PDE4B: variants seen among roughly 807,000 people sequenced by gnomAD.
PDE4B encodes the protein phosphodiesterase 4B, also known as 3',5'-cyclic-AMP phosphodiesterase 4B.
Under a neutral mutation model 82.2 loss-of-function variants are expected in PDE4B, and 20 were observed. That is an observed-to-expected ratio of 0.24 (90% CI 0.17 to 0.35). PDE4B has a LOEUF of 0.35. Ranked by LOEUF, PDE4B falls within the 10% of genes least tolerant of loss-of-function variation. PDE4B has a pLI of 1.00. For synonymous variants in PDE4B, 320 were observed against 318.9 expected, an observed-to-expected ratio of 1.00 and a Z score of -0.04; for missense variants, 655 against 907.2, an observed-to-expected ratio of 0.72 and a Z score of 3.57.
chr1:66,359,005 T>C (rs902124759), intron 9 of PDE4B, among the ~76,000 whole-genome samples: 1 of 152,142 alleles, frequency 6.6e-6, no homozygotes, highest in Non-Finnish European at 1.5e-5. Flanking sequence ...TCCAGGTTGC[T>C]GGTGCAAGGG....
intron 3 of PDE4B, among the ~76,000 whole-genome samples, chr1:66,008,401 T>C (rs1652277942): frequency 6.6e-6 from 1 of 152,100 alleles, no homozygotes; most frequent in African/African-American, 2.4e-5. Flanking sequence ...TATAGATGAA[T>C]TATCTGTGTA....
intron 3 of PDE4B, among the ~76,000 whole-genome samples, chr1:66,085,758 C>G (rs531867917): frequency 1.3e-5 from 2 of 152,010 alleles, no homozygotes; most frequent in African/African-American, 4.8e-5. Context: ...TGCACCAGCA[C>G]GAAGATCCAG....
chr1:66,013,115 GATCT>G (rs1197384052), intron 3 of PDE4B, among the ~76,000 whole-genome samples: 4 of 152,066 alleles, frequency 2.6e-5, no homozygotes, highest in African/African-American at 9.7e-5. Flanking sequence ...GATTTTCAAA[GATCT>G]ATTATTATCT....
chr1:65,867,525 A>G (rs191514257), intron 1 of PDE4B, among the ~76,000 whole-genome samples: 2 of 152,344 alleles, frequency 1.3e-5, no homozygotes, highest in African/African-American at 4.8e-5. Flanking sequence ...AGAATGATTC[A>G]CTTTAGCCCT....
In PDE4B at chr1:66,146,173, C is replaced by CTTTTTTTTT. The variant is rs36027532; in HGVS notation, c.282-101267_282-101259dup. On this transcript the variant is annotated intron_variant, in intron 3 of 16. Transcript: ENST00000341517. Reference sequence around the variant, plus strand: ...AGAAGGCCATTGCCTGGGTAGCATGCTTTTTTTTTTTTTTTTTTTTTTTTT... The same window carrying CTTTTTTTTT: ...AGAAGGCCATTGCCTGGGTAGCATGCTTTTTTTTTTTTTTTTTTTTTTTTTTTTTTTTTT... Among the ~76,000 whole-genome samples, 6 of 49,230 alleles carry CTTTTTTTTT rather than the reference C, an allele frequency of 1.2e-4. 1 individual carries two copies. The highest frequency in any genetic ancestry group is 3.1e-4 in the Admixed American group (1 of 3,254). The allele number at this position is 49,230 out of a possible 152,430, so 32.3% of individuals were successfully genotyped here. A position where few individuals can be genotyped will look rare whatever the true frequency, so the allele number is the denominator to read the frequency against.
intron 3 of PDE4B, among the ~76,000 whole-genome samples, chr1:66,068,106 A>T (rs981403967): frequency 4.7e-3 from 23 of 4,896 alleles, no homozygotes; most frequent in African/African-American, 0.012. Context: ...TAATAAAATT[A>T]AAAAAAAAAG....
At position 66,096,508 on chromosome 1, in the gene PDE4B, T is replaced by TCATATATATATATATATATATA. The variant is rs59931848; in HGVS notation, c.282-150952_282-150951insCATATATATATATATATATATA. On this transcript the variant is annotated intron_variant, in intron 3 of 16. Transcript: ENST00000341517. Reference sequence around the variant, plus strand: ...TTAAATGCGGTATAAGTAAAAAAAATTATATATATATATATATATATATAT... The same window carrying TCATATATATATATATATATATA: ...TTAAATGCGGTATAAGTAAAAAAAATCATATATATATATATATATATATATATATATATATATATATATATAT... Among the ~76,000 whole-genome samples, 21 of 107,316 alleles carry TCATATATATATATATATATATA rather than the reference T, an allele frequency of 2.0e-4. 1 individual carries two copies. The highest frequency in any genetic ancestry group is 3.1e-4 in the Non-Finnish European group (17 of 54,052). The allele number at this position is 107,316 out of a possible 152,430, so 70.4% of individuals were successfully genotyped here.
chr1:66,290,815 C>A (rs1194649214), intron 7 of PDE4B, among the ~76,000 whole-genome samples: 9 of 152,180 alleles, frequency 5.9e-5, no homozygotes, highest in African/African-American at 2.2e-4. Context: ...GGCTACCCCT[C>A]AATCCCTGCT....
intron 1 of PDE4B, among the ~76,000 whole-genome samples, chr1:65,904,609 G>C (rs1249626424): frequency 2.6e-5 from 4 of 151,896 alleles, no homozygotes; most frequent in Non-Finnish European, 5.9e-5. Flanking sequence ...CAATTATCCT[G>C]TTTCTTGGCC....
chr1:66,364,828 C>A (rs896661478), intron 12 of PDE4B, among the ~76,000 whole-genome samples: 1 of 152,058 alleles, frequency 6.6e-6, no homozygotes, highest in African/African-American at 2.4e-5. Context: ...ATGAGTGCTG[C>A]AAACTTTTTA....
At chr1:66,133,186 C>T (rs149139214) in intron 3 of PDE4B, among the ~76,000 whole-genome samples, 269 of 152,138 alleles carry the variant, frequency 1.8e-3, no homozygotes, top group African/African-American at 6.4e-3. Flanking sequence ...CTGTTTTTTT[C>T]AGTGAGTGAT....
At chr1:66,159,299 G>A (rs1570365389) in intron 3 of PDE4B, among the ~76,000 whole-genome samples, 1 of 151,028 alleles carries the variant, frequency 6.6e-6, no homozygotes, top group East Asian at 1.9e-4. Flanking sequence ...CTGGAGTGTA[G>A]TGGCGCATTC....
chr1:65,886,737 T>C (rs1646781633), intron 1 of PDE4B, among the ~76,000 whole-genome samples: 1 of 152,182 alleles, frequency 6.6e-6, no homozygotes, highest in Admixed American at 6.6e-5. Context: ...TCAGTAGTAT[T>C]CTATCATGTA....
At chr1:66,088,186 C>G (rs898946147) in intron 3 of PDE4B, among the ~76,000 whole-genome samples, 1 of 151,890 alleles carries the variant, frequency 6.6e-6, no homozygotes, top group African/African-American at 2.4e-5. Flanking sequence ...GGGGAGGACA[C>G]AGTGAATCTG....
At chr1:65,939,243 C>T (rs1648315805) in intron 3 of PDE4B, among the ~76,000 whole-genome samples, 1 of 152,104 alleles carries the variant, frequency 6.6e-6, no homozygotes, top group African/African-American at 2.4e-5. Flanking sequence ...AGAAAATAGA[C>T]TACTTTTCAG....
intron 1 of PDE4B, among the ~76,000 whole-genome samples, chr1:65,863,949 A>G (rs901464761): frequency 4.6e-5 from 7 of 151,912 alleles, no homozygotes; most frequent in African/African-American, 1.2e-4. Context: ...TCTTTATCCA[A>G]TTTGCCAGTC....
chr1:66,176,909 T>G (rs74989696), intron 3 of PDE4B, among the ~76,000 whole-genome samples: 2,265 of 152,340 alleles, frequency 0.015, 51 homozygotes, highest in African/African-American at 0.052. Flanking sequence ...TCAGTGGCCC[T>G]GGCAATACAG....
intron 3 of PDE4B, among the ~76,000 whole-genome samples, chr1:66,073,983 T>C (rs1331790012): frequency 6.6e-6 from 1 of 152,114 alleles, no homozygotes; most frequent in African/African-American, 2.4e-5. Flanking sequence ...TAATGTCGAG[T>C]GCAGTGTTCC....
chr1:66,361,832 C>T, intron 10 of PDE4B, 39 bp downstream of exon 10: 1 of 1,521,968 alleles, frequency 6.6e-7, no homozygotes, highest in Non-Finnish European at 9.0e-7. Context: ...TAGCTCTCTG[C>T]TTTACAGCAG....
Sources: allele counts gnomAD v4.1 joint callset (sites outside exome capture counted in the v4.1 genomes callset), GRCh38; gene constraint gnomAD v4.1.1; transcripts MANE v1.5; gene names NCBI Gene and HGNC (gene_info 2026-07-23, HGNC 2026-07-21).